KAT2B: variants seen among roughly 807,000 people sequenced by gnomAD.
KAT2B encodes the protein lysine acetyltransferase 2B.
Under a neutral mutation model 105.9 loss-of-function variants are expected in KAT2B, and 36 were observed. That is an observed-to-expected ratio of 0.34 (90% CI 0.26 to 0.45). The LOEUF (loss-of-function observed/expected upper bound fraction) is 0.45, where lower values mean the gene tolerates loss of function less well. Ranked by LOEUF, KAT2B falls within the 20% of genes least tolerant of loss-of-function variation. The pLI is 1.00. For missense variants in KAT2B, 820 were observed against 1,021.6 expected, an observed-to-expected ratio of 0.80 and a Z score of 2.69; for synonymous variants, 397 against 377.9, an observed-to-expected ratio of 1.05 and a Z score of -0.59.
chr3:20,136,724 C>T (rs999842941), intron 11 of KAT2B, among the ~76,000 whole-genome samples: 2 of 152,042 alleles, frequency 1.3e-5, no homozygotes, highest in African/African-American at 2.4e-5. Context: ...TGATTTTTAT[C>T]TTTGAAGCAA....
chr3:20,111,572 G>C, intron 5 of KAT2B, 24 bp from the exon 6 acceptor site: 2 of 1,580,654 alleles, frequency 1.3e-6, no homozygotes, highest in Non-Finnish European at 1.7e-6. Context: ...GGATATTGAT[G>C]GTGCTTGACT....
chr3:20,072,530 C>T, intron 2 of KAT2B, 71 bp downstream of exon 2: 1 of 1,482,664 alleles, frequency 6.7e-7, no homozygotes, highest in Non-Finnish European at 9.4e-7. Flanking sequence ...TTACTGAATT[C>T]TGTGGGTTCA....
chr3:20,141,690 C>T (rs1298257132), intron 13 of KAT2B, among the ~76,000 whole-genome samples: 3 of 151,976 alleles, frequency 2.0e-5, no homozygotes, highest in Admixed American at 2.0e-4. Context: ...GCTTTTTACA[C>T]AGTGTCTGGT....
intron 1 of KAT2B, among the ~76,000 whole-genome samples, chr3:20,070,877 T>C (rs7640544): frequency 0.41 from 62,363 of 150,834 alleles, 13,196 homozygotes; most frequent in South Asian, 0.49. Flanking sequence ...GGTGTGGTGG[T>C]GCATGCCAGT....
rs1699904973 is a variant in KAT2B at position 20,153,721 on chromosome 3, A to G, written c.*1196A>G. 1 of 152,616 alleles carries G rather than the reference A, an allele frequency of 6.6e-6. No homozygotes were observed. Among genetic ancestry groups the G allele is most frequent in the Non-Finnish European group, 1.5e-5 (1 of 68,016 alleles). The allele number at this position is 152,616 out of a possible 1,614,324, so 9.5% of individuals were successfully genotyped here. A position where few individuals can be genotyped will look rare whatever the true frequency, so the allele number is the denominator to read the frequency against. On this transcript the variant is annotated 3_prime_UTR_variant, in exon 18 of 18. Transcript: ENST00000263754. ...TTCCCAACTCTGGGAAAACCAACTA[A>G]TATACAACCATATAAATGAAGGCCA...
chr3:20,051,867 T>C (rs557832958), intron 1 of KAT2B, among the ~76,000 whole-genome samples: 43 of 152,382 alleles, frequency 2.8e-4, no homozygotes, highest in Non-Finnish European at 5.0e-4. Flanking sequence ...TACTTAAAGA[T>C]TGTGTGTTTG....
chr3:20,079,794 A>G (rs532617747), intron 2 of KAT2B, among the ~76,000 whole-genome samples: 4 of 152,326 alleles, frequency 2.6e-5, no homozygotes, highest in Admixed American at 2.0e-4. Flanking sequence ...AGCCTCCTGA[A>G]TTGAGCCAGC....
chr3:20,144,208 C>CT (rs71925768), intron 13 of KAT2B, among the ~76,000 whole-genome samples: 67,127 of 149,040 alleles, frequency 0.45, 18,414 homozygotes, highest in East Asian at 0.93. Flanking sequence ...GAGAAGGAAA[C>CT]TTTCAAATTG....
At chr3:20,145,295 T>G (rs1230727839) in intron 13 of KAT2B, among the ~76,000 whole-genome samples, 16 of 152,206 alleles carry the variant, frequency 1.1e-4, no homozygotes, top group Admixed American at 1.0e-3. Context: ...TGGCTTGTAT[T>G]ATGTCTCTAT....
rs769036453 is a variant in KAT2B, at chr3:20,099,846, A to G, written c.577-16A>G. On this transcript the variant is annotated splice_polypyrimidine_tract_variant and intron_variant, in intron 3 of 17. Coordinates refer to ENST00000263754, the MANE Select transcript of KAT2B (RefSeq NM_003884.5). Reference sequence around the variant, plus strand: ...TTAAGTTTTTCTTTTTCTTTTTTTTAATGATTTCTTTGCAGCTCTTGAGAA... The same window carrying G: ...TTAAGTTTTTCTTTTTCTTTTTTTTGATGATTTCTTTGCAGCTCTTGAGAA... 2 of 1,420,600 alleles carry G rather than the reference A, an allele frequency of 1.4e-6. No individual in the cohort carries two copies. Among genetic ancestry groups the G allele is most frequent in the South Asian group, 1.2e-5 (1 of 84,780 alleles). The allele number at this position is 1,420,600 out of a possible 1,614,324, so 88.0% of individuals were successfully genotyped here. A position where few individuals can be genotyped will look rare whatever the true frequency, so the allele number is the denominator to read the frequency against.
At chr3:20,090,752 T>C (rs1443788812) in intron 2 of KAT2B, among the ~76,000 whole-genome samples, 2 of 152,238 alleles carry the variant, frequency 1.3e-5, no homozygotes, top group Non-Finnish European at 2.9e-5. Context: ...TTTGAAGTTT[T>C]TTTTTAGAGT....
chr3:20,136,492 G>A (rs549157125), intron 11 of KAT2B, among the ~76,000 whole-genome samples: 1 of 151,810 alleles, frequency 6.6e-6, no homozygotes, highest in Non-Finnish European at 1.5e-5. Context: ...GTAAACACTT[G>A]GATTACTAAA....
chr3:20,114,975 A>G lies in KAT2B; in HGVS notation c.1137A>G (p.Leu379=), dbSNP rs1699180657. 4 of 1,608,780 alleles carry G rather than the reference A, an allele frequency of 2.5e-6. No individual in the cohort carries two copies. Among genetic ancestry groups the G allele is most frequent in the East Asian group, 2.2e-5 (1 of 44,848 alleles). Residue 379 remains leucine, a synonymous_variant, in exon 7 of 18, where the codon CTA becomes CTG. Transcript: ENST00000263754. ...CAGCCTCTTCCAGAACCAGCCAGCT[A>G]GGCATCCAAACAGGTAAGTTTCCTT... ...FLSASSRTSQ[L]GIQTVINPPP...
intron 1 of KAT2B, among the ~76,000 whole-genome samples, chr3:20,070,865 T>C (rs144695992): frequency 0.017 from 2,531 of 151,680 alleles, 79 homozygotes; most frequent in African/African-American, 0.058. Context: ...AAAAATTAGC[T>C]GGGTGTGGTG....
At chr3:20,067,403 C>T (rs955434418) in intron 1 of KAT2B, among the ~76,000 whole-genome samples, 8 of 152,104 alleles carry the variant, frequency 5.3e-5, no homozygotes, top group African/African-American at 1.9e-4. Context: ...TGTGACTCAC[C>T]CATTTATGAG....
chr3:20,091,448 T>C (rs1256719473), intron 2 of KAT2B, among the ~76,000 whole-genome samples: 3 of 152,078 alleles, frequency 2.0e-5, no homozygotes, highest in African/African-American at 4.8e-5. Flanking sequence ...GAACCAACTT[T>C]TAGTTTTGTT....
chr3:20,099,101 C>T (rs1294717232), intron 3 of KAT2B, among the ~76,000 whole-genome samples: 2 of 152,182 alleles, frequency 1.3e-5, no homozygotes, highest in African/African-American at 4.8e-5. Flanking sequence ...AATTTATTTT[C>T]TGCGTTGTTC....
In KAT2B at chr3:20,152,360, G is replaced by A. The variant is rs1409046492; in HGVS notation, c.2334G>A (p.Lys778=). 1 of 1,613,022 alleles carries A rather than the reference G, an allele frequency of 6.2e-7. No individual in the cohort carries two copies. The part of the protein sequence containing the change: ...MDLKTMSERL[K]NRYYVSKKLF... ...TGAAAACCATGAGTGAACGCCTCAA[G>A]AATAGGTACTACGTGTCTAAGAAAT... Residue 778 remains lysine (K), a synonymous_variant, in exon 18 of 18, where the codon AAG becomes AAA. Transcript: ENST00000263754.
chr3:20,096,238 A>G, intron 3 of KAT2B, among the ~76,000 whole-genome samples: 1 of 152,110 alleles, frequency 6.6e-6, no homozygotes, highest in African/African-American at 2.4e-5. Context: ...TCTCACTGAC[A>G]CCAGTCACCG....
Sources: allele counts gnomAD v4.1 joint callset (sites outside exome capture counted in the v4.1 genomes callset), GRCh38; gene constraint gnomAD v4.1.1; transcripts MANE v1.5; gene names NCBI Gene and HGNC (gene_info 2026-07-23, HGNC 2026-07-21).